Variants in C9 observed in about 807,000 individuals in gnomAD.
C9 encodes complement component C9.
In C9, 63 loss-of-function variants were observed where a neutral mutation model predicts 65.4. That is an observed-to-expected ratio of 0.96 (90% CI 0.79 to 1.19). C9 has a LOEUF of 1.19. C9 is among the 50% of genes most tolerant of loss of function. C9 has a pLI of 0.00. For synonymous variants in C9, 229 were observed against 227.9 expected, an observed-to-expected ratio of 1.00 and a Z score of -0.04; for missense variants, 744 against 670.1, an observed-to-expected ratio of 1.11 and a Z score of -1.22.
chr5:39,332,850 T>G (rs996331287), intron 4 of C9, among the ~76,000 whole-genome samples: 2 of 152,238 alleles, frequency 1.3e-5, no homozygotes, highest in African/African-American at 4.8e-5. Flanking sequence ...GGTTTCCTAC[T>G]GGTAGTGGGT....
intron 1 of C9, among the ~76,000 whole-genome samples, chr5:39,343,570 C>T (rs700214): frequency 0.024 from 3,700 of 152,322 alleles, 163 homozygotes; most frequent in African/African-American, 0.085. Context: ...AGGAGGCCTG[C>T]CTGCCTCTGT....
chr5:39,314,364 G>T (rs10054537), intron 6 of C9, among the ~76,000 whole-genome samples: 3,912 of 152,124 alleles, frequency 0.026, 162 homozygotes, highest in African/African-American at 0.089. Context: ...CAGGAGAATT[G>T]CTTGTACCTG....
intron 1 of C9, among the ~76,000 whole-genome samples, chr5:39,355,545 C>T (rs80109677): frequency 0.036 from 5,421 of 152,080 alleles, 311 homozygotes; most frequent in East Asian, 0.19. Flanking sequence ...ATTGCTCTCC[C>T]GGACTGTGAC....
intron 1 of C9, among the ~76,000 whole-genome samples, chr5:39,347,571 A>G (rs1754229071): frequency 1.3e-5 from 2 of 152,188 alleles, no homozygotes; most frequent in Admixed American, 6.5e-5. Flanking sequence ...GGAAGAATCA[A>G]TATCGTGAAA....
At chr5:39,356,610 G>T (rs1304722210) in intron 1 of C9, among the ~76,000 whole-genome samples, 1 of 152,234 alleles carries the variant, frequency 6.6e-6, no homozygotes, top group African/African-American at 2.4e-5. Context: ...TGCCTTCACT[G>T]TGCCAGCTAC....
intron 9 of C9, among the ~76,000 whole-genome samples, chr5:39,295,523 A>G (rs569566825): frequency 6.6e-6 from 1 of 151,888 alleles, no homozygotes; most frequent in South Asian, 2.1e-4. Flanking sequence ...ACTATGAAAC[A>G]CTATTGAAAG....
intron 1 of C9, among the ~76,000 whole-genome samples, chr5:39,359,216 C>G (rs1208170422): frequency 6.7e-6 from 1 of 149,774 alleles, no homozygotes; most frequent in East Asian, 2.0e-4. Flanking sequence ...ATCTAAGTAA[C>G]TTGGAGAATG....
At chr5:39,326,940 T>A (rs1270665219) in intron 5 of C9, among the ~76,000 whole-genome samples, 1 of 151,176 alleles carries the variant, frequency 6.6e-6, no homozygotes, top group African/African-American at 2.5e-5. Flanking sequence ...CTGGCATGAA[T>A]TTTTTATTCA....
Position 39,284,841 on chromosome 5 carries a change from T to C in C9, c.*358A>G, listed in dbSNP as rs536560759. On this transcript the variant is annotated 3_prime_UTR_variant, in exon 11 of 11. Coordinates refer to ENST00000263408, the MANE Select transcript of C9 (RefSeq NM_001737.5). ...GTGTGGTCATGGACCTGGCAGAATATGTTAACCATACAAAGCCGTTTGAAA... is the reference window on the plus strand; with the variant it reads ...GTGTGGTCATGGACCTGGCAGAATACGTTAACCATACAAAGCCGTTTGAAA... 4 of 292,256 alleles carry C rather than the reference T, an allele frequency of 1.4e-5. No individual in the cohort carries two copies. In the Admixed American group the frequency reaches 1.4e-4, roughly 11 times the overall value. The allele number at this position is 292,256 out of a possible 1,614,324, so 18.1% of individuals were successfully genotyped here. A position where few individuals can be genotyped will look rare whatever the true frequency, so the allele number is the denominator to read the frequency against.
At chr5:39,295,022 T>C (rs1348085709) in intron 9 of C9, among the ~76,000 whole-genome samples, 2 of 151,838 alleles carry the variant, frequency 1.3e-5, no homozygotes, top group East Asian at 1.9e-4. Context: ...CTCTTTGTGA[T>C]ACAAATTCTC....
chr5:39,308,988 G>A (rs3776535), intron 7 of C9, among the ~76,000 whole-genome samples: 2,270 of 152,124 alleles, frequency 0.015, 56 homozygotes, highest in East Asian at 0.069. Flanking sequence ...CTGGTTCATC[G>A]CTTTGGACAG....
chr5:39,325,323 T>A (rs1221310072), intron 5 of C9, among the ~76,000 whole-genome samples: 1 of 152,160 alleles, frequency 6.6e-6, no homozygotes, highest in African/African-American at 2.4e-5. Flanking sequence ...TGGGGTAATA[T>A]GACAGTAAAG....
At chr5:39,341,334 A>G in intron 3 of C9, 41 bp from the exon 4 acceptor site, 1 of 1,609,750 alleles carries the variant, frequency 6.2e-7, no homozygotes, top group Non-Finnish European at 8.5e-7. Context: ...ATCTAATGTC[A>G]AATTTTCTCT....
At chr5:39,300,455 G>T (rs910636544) in intron 9 of C9, among the ~76,000 whole-genome samples, 5 of 151,666 alleles carry the variant, frequency 3.3e-5, no homozygotes, top group Non-Finnish European at 5.9e-5. Context: ...AAAAGAAAAA[G>T]AAAAGAACAA....
intron 2 of C9, 62 bp downstream of exon 2, chr5:39,342,029 G>A (rs780987074): frequency 3.0e-5 from 28 of 942,876 alleles, no homozygotes; most frequent in Non-Finnish European, 4.9e-5. Context: ...CATTTTTCTG[G>A]AGAGGCTAGC....
Position 39,285,170 on chromosome 5 carries a change from TC to T in C9, c.*28del, listed in dbSNP as rs1162213028. On this transcript the variant is annotated 3_prime_UTR_variant, in exon 11 of 11. Transcript: ENST00000263408. ...TCTGAAGGTACTAGTGTTTTCTTCT[TC>T]CACTGGAGCTCAGAGAAGCCAACAG... The T allele has an allele frequency of 2.5e-6, 4 of 1,601,816 alleles. No homozygotes were observed. The highest frequency in any genetic ancestry group is 3.4e-6 in the Non-Finnish European group (4 of 1,168,988).
chr5:39,350,190 T>C (rs1458489256), intron 1 of C9, among the ~76,000 whole-genome samples: 1 of 152,134 alleles, frequency 6.6e-6, no homozygotes, highest in African/African-American at 2.4e-5. Flanking sequence ...GGGGAAGTAC[T>C]ACACAGTTTT....
chr5:39,294,900 G>T (rs1579839845), intron 9 of C9, among the ~76,000 whole-genome samples: 1 of 151,706 alleles, frequency 6.6e-6, no homozygotes, highest in East Asian at 1.9e-4. Context: ...CCGAGAAATA[G>T]TTCAACATAT....
At chr5:39,316,089 C>T in intron 5 of C9, 60 bp from the exon 6 acceptor site, 1 of 1,400,614 alleles carries the variant, frequency 7.1e-7, no homozygotes, top group Non-Finnish European at 9.9e-7. Flanking sequence ...GAAAAACAAG[C>T]AGAACAGAAC....
Sources: gnomAD v4.1 joint callset for allele counts (sites outside exome capture counted in the v4.1 genomes callset) on GRCh38, gnomAD v4.1.1 for gene constraint, MANE v1.5 for transcripts, NCBI Gene and HGNC (gene_info 2026-07-23, HGNC 2026-07-21) for gene names.